Variants in RAB2B observed in about 807,000 individuals in gnomAD.
The protein encoded by RAB2B is ras-related protein Rab-2B.
A neutral mutation model predicts 29.8 loss-of-function variants in RAB2B; 20 were observed. The ratio of observed to expected loss-of-function variants is 0.67; its 90% confidence interval spans 0.47 to 0.97. RAB2B has a LOEUF of 0.97. Ranked by LOEUF, RAB2B falls within the 50% of genes least tolerant of loss-of-function variation. The pLI, the probability that RAB2B is intolerant of heterozygous loss-of-function variation, is 0.00. For missense variants in RAB2B, 218 were observed against 272.0 expected (o/e 0.80, Z 1.40); for synonymous variants, 93 against 91.7 (o/e 1.01, Z -0.08).
At position 21,460,050 on chromosome 14, in the gene RAB2B, C is replaced by A. The variant is rs920257398; in HGVS notation, c.*1146G>T. 6.8e-6 allele frequency: 3 copies of A among 440,866 alleles called. No individual in the cohort carries two copies. The highest frequency in any genetic ancestry group is 1.3e-5 in the Non-Finnish European group (3 of 223,578). 27.3% of individuals were successfully genotyped at this position (440,866 alleles called of 1,614,324 possible). A position where few individuals can be genotyped will look rare whatever the true frequency, so the allele number is the denominator to read the frequency against. ...TTGAAGTTACACTAAGAGATAGAAGCTAATAATAGGATAGTAGAGAAGTAC... is the reference window on the plus strand; with the variant it reads ...TTGAAGTTACACTAAGAGATAGAAGATAATAATAGGATAGTAGAGAAGTAC... On this transcript the variant is annotated 3_prime_UTR_variant, in exon 8 of 8. Coordinates refer to ENST00000397762, the MANE Select transcript of RAB2B (RefSeq NM_032846.4).
chr14:21,472,596 C>T (rs528948671), intron 3 of RAB2B, among the ~76,000 whole-genome samples: 4 of 152,156 alleles, frequency 2.6e-5, no homozygotes, highest in African/African-American at 9.6e-5. Context: ...TGTTCTGAAA[C>T]TGGTTCCTTT....
At chr14:21,462,524 A>G in intron 6 of RAB2B, 106 bp from the exon 7 acceptor site, 1 of 1,124,758 alleles carries the variant, frequency 8.9e-7, no homozygotes, top group Non-Finnish European at 1.3e-6. Context: ...GTGAATTAGG[A>G]ACCATTAGAA....
chr14:21,476,720 G>T (rs747888572), intron 1 of RAB2B, 107 bp downstream of exon 1: 1 of 504,974 alleles, frequency 2.0e-6, no homozygotes, highest in Admixed American at 4.5e-5. Flanking sequence ...GAACCGCCCC[G>T]CCCGTCTCGA....
intron 1 of RAB2B, 23 bp downstream of exon 1, chr14:21,476,804 A>C: frequency 6.2e-6 from 10 of 1,606,306 alleles, no homozygotes; most frequent in Non-Finnish European, 8.5e-6. Context: ...CCGAGCCTTG[A>C]AGGCGAACCA....
chr14:21,476,678 G>A (rs773266615), intron 1 of RAB2B, 79 bp from the exon 2 acceptor site: 28 of 1,612,054 alleles, frequency 1.7e-5, no homozygotes, highest in Admixed American at 8.3e-5. Context: ...ACCAGAGAAG[G>A]GGGGCTCCCG....
At position 21,468,664 on chromosome 14, in the gene RAB2B, G is replaced by T. The variant is rs1890739659; in HGVS notation, c.269+6C>A. 2 of 1,550,772 alleles carry T rather than the reference G, an allele frequency of 1.3e-6. No homozygotes were observed. The highest frequency in any genetic ancestry group is 1.7e-6 in the Non-Finnish European group (2 of 1,152,814). ...ATCTCCCTCCCATGCACCAGATCTGGCTCACCTTGTAATGTCGTACACCAG... is the reference window on the plus strand; with the variant it reads ...ATCTCCCTCCCATGCACCAGATCTGTCTCACCTTGTAATGTCGTACACCAG... On this transcript the variant is annotated splice_donor_region_variant and intron_variant, in intron 4 of 7. Transcript: ENST00000397762.
rs1260073329 is a variant in RAB2B at position 21,461,312 on chromosome 14, GA to G, written c.544-10del. The G allele has an allele frequency of 3.7e-6, 6 of 1,600,208 alleles. No individual in the cohort carries two copies. Among genetic ancestry groups the G allele is most frequent in the Non-Finnish European group, 5.1e-6 (6 of 1,168,748 alleles). On this transcript the variant is annotated splice_polypyrimidine_tract_variant and intron_variant, in intron 7 of 7. Transcript: ENST00000397762. ...ATCTTGATGCCATTTGCCTGTAAAA[GA>G]AAAGAGGCAATAGTTCCCACCTCAG... is the stretch of plus-strand genomic sequence containing the variant.
chr14:21,465,776 C>G (rs1238178727), intron 5 of RAB2B, among the ~76,000 whole-genome samples: 1 of 152,180 alleles, frequency 6.6e-6, no homozygotes, highest in East Asian at 1.9e-4. Flanking sequence ...AATCTGGTCC[C>G]TACCTACTTT....
chr14:21,473,619 G>A (rs1318687805), intron 3 of RAB2B, among the ~76,000 whole-genome samples: 3 of 152,124 alleles, frequency 2.0e-5, no homozygotes, highest in Admixed American at 1.3e-4. Context: ...TGTGGCTCAC[G>A]CCTGTAATCC....
intron 7 of RAB2B, 136 bp downstream of exon 7, chr14:21,462,214 A>T: frequency 1.6e-6 from 1 of 610,148 alleles, no homozygotes; most frequent in Non-Finnish European, 2.5e-6. Context: ...AAAAAAAAAA[A>T]AAAAAAGTGT....
At chr14:21,464,831 C>T (rs975593310) in intron 5 of RAB2B, among the ~76,000 whole-genome samples, 7 of 152,056 alleles carry the variant, frequency 4.6e-5, no homozygotes, top group Non-Finnish European at 1.0e-4. Context: ...CAGTGAGACC[C>T]TGTCTCTACA....
Position 21,460,525 on chromosome 14 carries a change from C to A in RAB2B, c.*671G>T. 1 of 202,280 alleles carries A rather than the reference C, an allele frequency of 4.9e-6. No individual in the cohort carries two copies. The highest frequency in any genetic ancestry group is 9.5e-6 in the Non-Finnish European group (1 of 105,708). 12.5% of individuals were successfully genotyped at this position (202,280 alleles called of 1,614,324 possible). ...GCTTGAACCTGGAAAGTGGAGGTTG[C>A]AGTGAGCCAAGATCATGCCACTGCA... On this transcript the variant is annotated 3_prime_UTR_variant, in exon 8 of 8. Coordinates refer to ENST00000397762, the MANE Select transcript of RAB2B (RefSeq NM_032846.4).
At chr14:21,464,436 G>A (rs373802191) in intron 5 of RAB2B, among the ~76,000 whole-genome samples, 1 of 152,022 alleles carries the variant, frequency 6.6e-6, no homozygotes, top group Non-Finnish European at 1.5e-5. Flanking sequence ...CTAGTTACTA[G>A]AAAGCAGAAA....
intron 5 of RAB2B, among the ~76,000 whole-genome samples, chr14:21,466,863 C>A (rs1890697579): frequency 6.8e-6 from 1 of 147,942 alleles, no homozygotes; most frequent in Non-Finnish European, 1.5e-5. Flanking sequence ...GCCCAACAGA[C>A]ACATAGAGGT....
At chr14:21,475,430 CTTTT>C (rs11408746) in intron 2 of RAB2B, among the ~76,000 whole-genome samples, 1 of 129,522 alleles carries the variant, frequency 7.7e-6, no homozygotes. Context: ...AGAAACAATA[CTTTT>C]TTTTTTTTTT....
intron 2 of RAB2B, among the ~76,000 whole-genome samples, chr14:21,475,872 T>C (rs966809480): frequency 3.3e-5 from 5 of 152,224 alleles, no homozygotes; most frequent in African/African-American, 1.2e-4. Context: ...ATGTAGGGGT[T>C]TATTTAGAAA....
chr14:21,471,681 C>CTT lies in RAB2B; in HGVS notation c.187-2931_187-2930dup, dbSNP rs35750510. ...GAACTAAGATGAAGGTTTTTTTTTC[C>CTT]TTTTTTTTTTTTGAGAGGGAGTCTC... On this transcript the variant is annotated intron_variant, in intron 3 of 7. Transcript: ENST00000397762. 5.3e-3 allele frequency among the ~76,000 whole-genome samples: 705 copies of CTT among 132,312 alleles called. 6 individuals are homozygous for CTT. Among genetic ancestry groups the CTT allele is most frequent in the East Asian group, 0.022 (101 of 4,546 alleles). The allele number at this position is 132,312 out of a possible 152,430, so 86.8% of individuals were successfully genotyped here. A position where few individuals can be genotyped will look rare whatever the true frequency, so the allele number is the denominator to read the frequency against.
chr14:21,466,259 C>A (rs564784428), intron 5 of RAB2B, among the ~76,000 whole-genome samples: 9 of 152,080 alleles, frequency 5.9e-5, no homozygotes, highest in Admixed American at 4.6e-4. Context: ...CCGAGGCAGG[C>A]GGATCGCCTG....
intron 5 of RAB2B, among the ~76,000 whole-genome samples, chr14:21,467,280 C>T (rs1461429531): frequency 4.6e-5 from 7 of 152,146 alleles, no homozygotes; most frequent in African/African-American, 2.4e-5. Context: ...ATTACAGCTT[C>T]ATTGCAGCCT....
Sources: allele counts gnomAD v4.1 joint callset (sites outside exome capture counted in the v4.1 genomes callset), GRCh38; gene constraint gnomAD v4.1.1; transcripts MANE v1.5; gene names NCBI Gene and HGNC (gene_info 2026-07-23, HGNC 2026-07-21).